Variants in EPHA5 observed in about 807,000 individuals in gnomAD.
The protein encoded by EPHA5 is EPH receptor A5, also known as ephrin type-A receptor 5.
A neutral mutation model predicts 105.0 loss-of-function variants in EPHA5; 60 were observed. That is an observed-to-expected ratio of 0.57 (90% CI 0.46 to 0.71). The LOEUF is 0.71. Ranked by LOEUF, EPHA5 falls within the 30% of genes least tolerant of loss-of-function variation. The pLI is 0.00. For missense variants in EPHA5, 1,218 were observed against 1,274.7 expected (o/e 0.96, Z 0.68); for synonymous variants, 513 against 449.1 (o/e 1.14, Z -1.80).
chr4:65,393,953 A>G (rs1237362995), intron 8 of EPHA5, among the ~76,000 whole-genome samples: 1 of 152,212 alleles, frequency 6.6e-6, no homozygotes, highest in Non-Finnish European at 1.5e-5. Flanking sequence ...CAAGATGAGT[A>G]CATATCTACT....
intron 2 of EPHA5, among the ~76,000 whole-genome samples, chr4:65,608,925 C>T (rs1744497604): frequency 6.6e-6 from 1 of 152,026 alleles, no homozygotes; most frequent in African/African-American, 2.4e-5. Context: ...AATATAAGGC[C>T]ACTCGAGGTC....
chr4:65,349,257 C>T (rs569389202), intron 13 of EPHA5, among the ~76,000 whole-genome samples: 39 of 152,084 alleles, frequency 2.6e-4, no homozygotes, highest in African/African-American at 8.7e-4. Context: ...TCTTGTTTGA[C>T]TAAACCAAAT....
At chr4:65,579,142 T>C (rs990983172) in intron 3 of EPHA5, among the ~76,000 whole-genome samples, 1 of 151,480 alleles carries the variant, frequency 6.6e-6, no homozygotes, top group African/African-American at 2.4e-5. Flanking sequence ...TTAAATATTA[T>C]TCAAAAAGGC....
At chr4:65,376,124 A>G (rs764249042) in intron 8 of EPHA5, among the ~76,000 whole-genome samples, 1 of 152,022 alleles carries the variant, frequency 6.6e-6, no homozygotes, top group Non-Finnish European at 1.5e-5. Flanking sequence ...AACAAAAATT[A>G]CTTTACACCT....
intron 3 of EPHA5, among the ~76,000 whole-genome samples, chr4:65,513,489 C>A (rs1733820792): frequency 6.6e-6 from 1 of 152,066 alleles, no homozygotes; most frequent in African/African-American, 2.4e-5. Flanking sequence ...CAGGTTCAAG[C>A]AACTCTCCTG....
intron 7 of EPHA5, among the ~76,000 whole-genome samples, chr4:65,411,246 G>C (rs1215676922): frequency 1.3e-5 from 2 of 151,938 alleles, no homozygotes; most frequent in Admixed American, 1.3e-4. Flanking sequence ...AAAAAGTTTT[G>C]CGTTTCCTGT....
chr4:65,594,923 A>G (rs1336894790), intron 3 of EPHA5, among the ~76,000 whole-genome samples: 3 of 152,144 alleles, frequency 2.0e-5, no homozygotes, highest in Non-Finnish European at 4.4e-5. Flanking sequence ...GTATAAGAAG[A>G]GCATATTTTA....
At chr4:65,379,632 ATTACTC>A (rs1215823293) in intron 8 of EPHA5, among the ~76,000 whole-genome samples, 3 of 151,662 alleles carry the variant, frequency 2.0e-5, no homozygotes, top group Admixed American at 1.3e-4. Flanking sequence ...AGTGTTAGCT[ATTACTC>A]TTAATTTTAT....
chr4:65,564,671 T>C (rs1739348759), intron 3 of EPHA5, among the ~76,000 whole-genome samples: 1 of 151,806 alleles, frequency 6.6e-6, no homozygotes, highest in African/African-American at 2.4e-5. Context: ...TTCTGCAATG[T>C]TTTATACATT....
chr4:65,417,068 G>A (rs966305259), intron 6 of EPHA5, among the ~76,000 whole-genome samples: 2 of 152,096 alleles, frequency 1.3e-5, no homozygotes, highest in Admixed American at 6.6e-5. Flanking sequence ...GTGAGGGGAC[G>A]GCCTCAGCAG....
intron 16 of EPHA5, 26 bp from the exon 17 acceptor site, chr4:65,324,245 TG>T: frequency 6.6e-7 from 1 of 1,521,034 alleles, no homozygotes; most frequent in Non-Finnish European, 9.1e-7. Flanking sequence ...ACACATTGGA[TG>T]TATTGATTCA....
chr4:65,482,518 T>C (rs959690589), intron 5 of EPHA5, among the ~76,000 whole-genome samples: 1 of 152,094 alleles, frequency 6.6e-6, no homozygotes, highest in African/African-American at 2.4e-5. Flanking sequence ...ACCACTGGAA[T>C]GGGGGTGGAC....
At chr4:65,442,253 A>G (rs1726090779) in intron 5 of EPHA5, among the ~76,000 whole-genome samples, 1 of 152,114 alleles carries the variant, frequency 6.6e-6, no homozygotes, top group African/African-American at 2.4e-5. Flanking sequence ...GGCCTCCATG[A>G]GAAGAGCTCT....
chr4:65,589,853 T>C (rs1228239816), intron 3 of EPHA5, among the ~76,000 whole-genome samples: 1 of 152,124 alleles, frequency 6.6e-6, no homozygotes, highest in Non-Finnish European at 1.5e-5. Context: ...AAGGGAAACA[T>C]GGAAAACGCT....
Position 65,631,084 on chromosome 4 carries a change from G to C in EPHA5, c.246+12279C>G, listed in dbSNP as rs147388028. Among the ~76,000 whole-genome samples, 161 of 152,234 alleles carry C rather than the reference G, an allele frequency of 1.1e-3. 2 individuals are homozygous for C. The highest frequency in any genetic ancestry group is 3.7e-3 in the African/African-American group (155 of 41,548). The stretch of plus-strand genomic sequence containing the variant: ...TACCCCTGCTCTTGGTGAGGGTAAA[G>C]TGATGCATACAAAAAGGTTTTCAAA... On this transcript the variant is annotated intron_variant, in intron 2 of 16. Transcript: ENST00000613740.
intron 3 of EPHA5, among the ~76,000 whole-genome samples, chr4:65,512,069 T>A (rs1010271379): frequency 6.6e-6 from 1 of 152,096 alleles, no homozygotes; most frequent in African/African-American, 2.4e-5. Context: ...TATAAGAGGT[T>A]TTTAAGAGAA....
chr4:65,412,007 T>A (rs919967412), intron 7 of EPHA5, among the ~76,000 whole-genome samples: 1 of 152,198 alleles, frequency 6.6e-6, no homozygotes, highest in Non-Finnish European at 1.5e-5. Context: ...GGCAAGCAGA[T>A]CACCTAGGGT....
At chr4:65,373,407 C>A (rs1429066758) in intron 8 of EPHA5, among the ~76,000 whole-genome samples, 2 of 151,780 alleles carry the variant, frequency 1.3e-5, no homozygotes, top group Non-Finnish European at 2.9e-5. Flanking sequence ...AGTACTTCCA[C>A]ACTCCCCCCG....
In EPHA5 at chr4:65,367,406, T is replaced by C. The variant is rs1382728984; in HGVS notation, c.1812A>G (p.Lys604=). The C allele has an allele frequency of 1.2e-6, 2 of 1,612,440 alleles. No homozygotes were observed. The highest frequency in any genetic ancestry group is 1.7e-6 in the Non-Finnish European group (2 of 1,179,300). Residue 604 remains lysine, a synonymous_variant, in exon 9 of 17, where the codon AAA becomes AAG. Transcript: ENST00000613740. The part of the protein sequence containing the change: ...LLSGRRCGYS[K]AKQDPEEEKM... ...TTTCCTCTTCTGGATCTTGTTTTGC[T>C]TTGCTGTAGCCACACCGCCTGGAAC...
Sources: gnomAD v4.1 joint callset for allele counts (sites outside exome capture counted in the v4.1 genomes callset) on GRCh38, gnomAD v4.1.1 for gene constraint, MANE v1.5 for transcripts, NCBI Gene and HGNC (gene_info 2026-07-23, HGNC 2026-07-21) for gene names.